The following FGF12 variants were observed in gnomAD, a reference collection of about 807,000 sequenced individuals.
FGF12 encodes the protein fibroblast growth factor 12B.
A neutral mutation model predicts 23.6 loss-of-function variants in FGF12; 14 were observed. The ratio of observed to expected loss-of-function variants is 0.59; its 90% CI spans 0.39 to 0.93. The LOEUF (loss-of-function observed/expected upper bound fraction) is 0.93, where lower values mean the gene tolerates loss of function less well. Among genes scored for constraint, FGF12 ranks in the 40% least tolerant of loss-of-function variants. FGF12 has a pLI of 0.00. For missense variants in FGF12, 175 were observed against 217.8 expected (o/e 0.80, Z 1.24); for synonymous variants, 62 against 77.3 (o/e 0.80, Z 1.04).
At chr3:192,594,548 T>C (rs1372209674) in intron 2 of FGF12, among the ~76,000 whole-genome samples, 1 of 151,814 alleles carries the variant, frequency 6.6e-6, no homozygotes, top group African/African-American at 2.4e-5. Context: ...GTTTCATGTG[T>C]TGGAAACGTA....
chr3:192,386,702 C>T (rs994310620), intron 2 of FGF12, among the ~76,000 whole-genome samples: 17 of 152,012 alleles, frequency 1.1e-4, no homozygotes, highest in South Asian at 4.1e-4. Context: ...GAAACAGAGA[C>T]GTGTCTGAAG....
intron 2 of FGF12, among the ~76,000 whole-genome samples, chr3:192,378,031 T>TC (rs1189968044): frequency 0.011 from 465 of 41,832 alleles, 61 homozygotes; most frequent in African/African-American, 0.053. Context: ...CTTTCTTTTC[T>TC]TTCTTTCTTT....
At chr3:192,350,589 T>C (rs545763945) in intron 3 of FGF12, among the ~76,000 whole-genome samples, 1 of 152,180 alleles carries the variant, frequency 6.6e-6, no homozygotes, top group South Asian at 2.1e-4. Flanking sequence ...GATTGAGCTA[T>C]TTAGATATTT....
At chr3:192,358,421 G>T (rs1335088584) in intron 3 of FGF12, among the ~76,000 whole-genome samples, 4 of 150,802 alleles carry the variant, frequency 2.7e-5, no homozygotes, top group Non-Finnish European at 4.4e-5. Context: ...GTTTAAATTT[G>T]GGAGTTCAGA....
At chr3:192,569,150 T>G (rs1560153561) in intron 2 of FGF12, among the ~76,000 whole-genome samples, 1 of 152,248 alleles carries the variant, frequency 6.6e-6, no homozygotes, top group Non-Finnish European at 1.5e-5. Flanking sequence ...GATAATCTTA[T>G]GTGAACACTT....
At chr3:192,683,039 G>A (rs1321717704) in intron 2 of FGF12, among the ~76,000 whole-genome samples, 2 of 152,146 alleles carry the variant, frequency 1.3e-5, no homozygotes, top group African/African-American at 4.8e-5. Flanking sequence ...TCTTCGTTTG[G>A]CTGCTTCTGA....
At position 192,286,716 on chromosome 3, in the gene FGF12, T is replaced by C. The variant is rs1021137122; in HGVS notation, c.228+48645A>G. 6.6e-5 allele frequency among the ~76,000 whole-genome samples: 10 copies of C among 152,192 alleles called. 2 individuals carry two copies. The highest frequency in any genetic ancestry group is 1.5e-5 in the Non-Finnish European group (1 of 67,948). On this transcript the variant is annotated intron_variant, in intron 4 of 5. Coordinates refer to ENST00000445105, the MANE Select transcript of FGF12 (RefSeq NM_004113.6). ...AAACTTTTAAGACAATGGTTTATTG[T>C]TGTTCTGAGTATACTCTTGAGATTG... is the stretch of plus-strand genomic sequence containing the variant.
intron 2 of FGF12, among the ~76,000 whole-genome samples, chr3:192,448,297 T>C (rs1722420880): frequency 6.6e-6 from 1 of 152,242 alleles, no homozygotes. Flanking sequence ...CTGTTTTCTT[T>C]TGAACATGCC....
chr3:192,684,263 T>A (rs540198431), intron 2 of FGF12, among the ~76,000 whole-genome samples: 1 of 152,172 alleles, frequency 6.6e-6, no homozygotes, highest in Admixed American at 6.5e-5. Context: ...AAGCTGCCTG[T>A]GTTAACGGGG....
chr3:192,439,296 C>A (rs1722123517), intron 2 of FGF12, among the ~76,000 whole-genome samples: 1 of 152,182 alleles, frequency 6.6e-6, no homozygotes, highest in Non-Finnish European at 1.5e-5. Context: ...TTTAGAGCAT[C>A]TACTGGTAAT....
chr3:192,240,357 A>AT (rs780396398), intron 4 of FGF12, among the ~76,000 whole-genome samples: 4 of 151,796 alleles, frequency 2.6e-5, no homozygotes, highest in South Asian at 2.1e-4. Flanking sequence ...TTCCCCTGTT[A>AT]TTTTTTTTGG....
At chr3:192,696,977 G>T (rs867603565) in intron 2 of FGF12, among the ~76,000 whole-genome samples, 1 of 152,042 alleles carries the variant, frequency 6.6e-6, no homozygotes, top group Non-Finnish European at 1.5e-5. Context: ...ATTTAGTACA[G>T]CATTTCCTAG....
intron 2 of FGF12, among the ~76,000 whole-genome samples, chr3:192,574,725 A>G (rs1462010450): frequency 6.6e-6 from 1 of 152,226 alleles, no homozygotes; most frequent in African/African-American, 2.4e-5. Flanking sequence ...GTTGAATACT[A>G]CTGTGTACTA....
At chr3:192,536,514 G>A (rs6796722) in intron 2 of FGF12, among the ~76,000 whole-genome samples, 5,656 of 152,120 alleles carry the variant, frequency 0.037, 366 homozygotes, top group African/African-American at 0.13. Context: ...CTCCGAAAGT[G>A]TATTTTACAG....
rs137864479 is a variant in FGF12, at chr3:192,522,233, T to C, written c.14-161695A>G. Among the ~76,000 whole-genome samples, 687 of 151,710 alleles carry C rather than the reference T, an allele frequency of 4.5e-3. 5 individuals carry two copies. The highest frequency in any genetic ancestry group is 0.016 in the African/African-American group (667 of 41,438). On this transcript the variant is annotated intron_variant, in intron 2 of 5. Coordinates refer to ENST00000445105, the MANE Select transcript of FGF12 (RefSeq NM_004113.6). ...AAAACAAAAAAAAACGGGGGGGACT[T>C]TTTTGTGATTTTCCAATTGGGAAAA...
chr3:192,201,999 A>C (rs1444274979), intron 4 of FGF12, among the ~76,000 whole-genome samples: 1 of 152,194 alleles, frequency 6.6e-6, no homozygotes, highest in Non-Finnish European at 1.5e-5. Context: ...TTACATATGG[A>C]TGTTTCTTCA....
chr3:192,560,306 G>A (rs1711966477), intron 2 of FGF12, among the ~76,000 whole-genome samples: 1 of 151,584 alleles, frequency 6.6e-6, no homozygotes, highest in African/African-American at 2.4e-5. Context: ...ATTACTTTAA[G>A]AAGATAGAAA....
chr3:192,464,222 T>C (rs975293399), intron 2 of FGF12, among the ~76,000 whole-genome samples: 3 of 152,026 alleles, frequency 2.0e-5, no homozygotes, highest in African/African-American at 7.3e-5. Context: ...TTGTGAGAAT[T>C]TGGTGCACCC....
At chr3:192,630,164 C>A (rs1715329657) in intron 2 of FGF12, among the ~76,000 whole-genome samples, 1 of 152,132 alleles carries the variant, frequency 6.6e-6, no homozygotes, top group South Asian at 2.1e-4. Flanking sequence ...CCTGCTCTGG[C>A]CATGTGATGC....
Sources: allele counts gnomAD v4.1 joint callset (sites outside exome capture counted in the v4.1 genomes callset), GRCh38; gene constraint gnomAD v4.1.1; transcripts MANE v1.5; gene names NCBI Gene and HGNC (gene_info 2026-07-23, HGNC 2026-07-21).